SCAF4: variants seen among roughly 807,000 people sequenced by gnomAD.
SCAF4 encodes SR-related and CTD-associated factor 4.
Under a neutral mutation model 129.8 loss-of-function variants are expected in SCAF4, and 25 were observed. The observed-to-expected ratio is 0.19, with a 90% confidence interval of 0.14 to 0.27. The LOEUF (loss-of-function observed/expected upper bound fraction) is 0.27, where lower values mean the gene tolerates loss of function less well. Among genes scored for constraint, SCAF4 ranks in the 10% least tolerant of loss-of-function variants. The probability of loss-of-function intolerance (pLI) is 1.00; values close to 1 mark genes in which losing one functional copy is unlikely to be tolerated. For missense variants in SCAF4, 1,246 were observed against 1,457.1 expected (o/e 0.86, Z 2.36); for synonymous variants, 551 against 497.7 (o/e 1.11, Z -1.43).
At chr21:31,706,074 C>T (rs1456047444) in intron 2 of SCAF4, among the ~76,000 whole-genome samples, 200 bp downstream of exon 2, 1 of 152,160 alleles carries the variant, frequency 6.6e-6, no homozygotes, top group Non-Finnish European at 1.5e-5. Flanking sequence ...TATCCCCCTA[C>T]CCCCACCAAA....
intron 19 of SCAF4, among the ~76,000 whole-genome samples, chr21:31,674,586 T>A (rs1414925823): frequency 1.3e-5 from 2 of 152,298 alleles, no homozygotes; most frequent in East Asian, 3.9e-4. Context: ...AATGCTTTTA[T>A]AACCAGTTAT....
intron 7 of SCAF4, among the ~76,000 whole-genome samples, chr21:31,697,460 T>C (rs2050415114): frequency 6.6e-6 from 1 of 152,132 alleles, no homozygotes. Flanking sequence ...AACACTGCAA[T>C]GTAGATAGTT....
At chr21:31,690,716 G>T in intron 15 of SCAF4, 81 bp downstream of exon 15, 1 of 1,288,728 alleles carries the variant, frequency 7.8e-7, no homozygotes, top group Non-Finnish European at 1.1e-6. Context: ...ACGTCCTAAT[G>T]CAAGGAACAG....
Position 31,731,745 on chromosome 21 carries a change from G to C in SCAF4, c.-53C>G. 6.4e-7 allele frequency: 1 copy of C among 1,551,936 alleles called. No individual in the cohort carries two copies. Among genetic ancestry groups the C allele is most frequent in the East Asian group, 2.6e-5 (1 of 38,446 alleles). ...GGCCCGCCGGTCACATAGACCTCGC[G>C]CCGCGGCGGAGCGGGGCTGGGAAAC... On this transcript the variant is annotated 5_prime_UTR_variant, in exon 1 of 20. Coordinates refer to ENST00000286835, the MANE Select transcript of SCAF4 (RefSeq NM_020706.2).
chr21:31,729,621 C>T (rs1225828851), intron 1 of SCAF4, among the ~76,000 whole-genome samples: 3 of 152,098 alleles, frequency 2.0e-5, no homozygotes, highest in Admixed American at 2.0e-4. Context: ...AGAAGCACTA[C>T]AAATCAAGTA....
chr21:31,694,975 T>A lies in SCAF4; in HGVS notation c.1074A>T (p.Pro358=). Residue 358 remains proline (P), a synonymous_variant, in exon 10 of 20, where the codon CCA becomes CCT. Coordinates refer to ENST00000286835, the MANE Select transcript of SCAF4 (RefSeq NM_020706.2). The stretch of plus-strand genomic sequence containing the variant: ...CTGGCATTTGTCCATTAGGAGGAAG[T>A]GGAACCTTTCATTTTTAAAGAAAGT... ...IQQDPMHHQV[P]LPPNGQMPGF... The A allele has an allele frequency of 1.1e-5, 17 of 1,612,778 alleles. No individual in the cohort carries two copies. Among genetic ancestry groups the A allele is most frequent in the Non-Finnish European group, 1.4e-5 (17 of 1,179,324 alleles).
At chr21:31,686,022 G>A (rs1483652791) in intron 16 of SCAF4, among the ~76,000 whole-genome samples, 1 of 151,696 alleles carries the variant, frequency 6.6e-6, no homozygotes, top group Non-Finnish European at 1.5e-5. Flanking sequence ...GGTCAACATG[G>A]CGAAACCCTG....
rs540636016 is a variant in SCAF4 at position 31,671,298 on chromosome 21, G to C, written c.*101C>G. 42 of 1,326,956 alleles carry C rather than the reference G, an allele frequency of 3.2e-5. No homozygotes were observed. The South Asian group carries it at 6.9e-4, about 22-fold the overall frequency. The allele number at this position is 1,326,956 out of a possible 1,614,324, so 82.2% of individuals were successfully genotyped here. ...CTTACAGTTCCCCACCAGCTGGCGCGGGGCTGCAGTACAGCGGGAGCGGAT... is the reference window on the plus strand; with the variant it reads ...CTTACAGTTCCCCACCAGCTGGCGCCGGGCTGCAGTACAGCGGGAGCGGAT... On this transcript the variant is annotated 3_prime_UTR_variant, in exon 20 of 20. Coordinates refer to ENST00000286835, the MANE Select transcript of SCAF4 (RefSeq NM_020706.2).
intron 2 of SCAF4, 121 bp downstream of exon 2, chr21:31,706,153 C>CT (rs2050657363): frequency 4.4e-6 from 3 of 682,686 alleles, no homozygotes; most frequent in Non-Finnish European, 7.7e-6. Context: ...TCAGCAAAGG[C>CT]TGGTTAGGGC....
At position 31,671,651 on chromosome 21, in the gene SCAF4, T is replaced by C. The variant is rs2049698546; in HGVS notation, c.3192A>G (p.Arg1064=). 6.2e-7 allele frequency: 1 copy of C among 1,614,096 alleles called. No individual in the cohort carries two copies. The highest frequency in any genetic ancestry group is 1.1e-5 in the South Asian group (1 of 91,064). Residue 1064 remains arginine, a synonymous_variant, in exon 20 of 20, where the codon AGA becomes AGG. Transcript: ENST00000286835. Reference sequence around the variant, plus strand: ...CCTTCTCTCTACGAGACTCTCTATCTCTAGAATCTCTCTCTCTGTCTCGAT... The same window carrying C: ...CCTTCTCTCTACGAGACTCTCTATCCCTAGAATCTCTCTCTCTGTCTCGAT... ...SGHRDRERDS[R]DRESRREKEE...
chr21:31,684,959 G>A, intron 19 of SCAF4, 90 bp downstream of exon 19: 1 of 596,078 alleles, frequency 1.7e-6, no homozygotes, highest in Non-Finnish European at 2.8e-6. Flanking sequence ...AATTAACATT[G>A]TTTTTTTAAA....
chr21:31,706,417 C>T (rs775808329), intron 1 of SCAF4, 60 bp from the exon 2 acceptor site: 4 of 1,126,580 alleles, frequency 3.6e-6, no homozygotes, highest in Non-Finnish European at 5.2e-6. Flanking sequence ...TAAATAAGCA[C>T]CTTTCCTACA....
At chr21:31,689,461 C>T (rs895913121) in intron 15 of SCAF4, among the ~76,000 whole-genome samples, 10 of 139,904 alleles carry the variant, frequency 7.1e-5, no homozygotes, top group Non-Finnish European at 1.5e-4. Flanking sequence ...CCACATCCAG[C>T]TAATTTTTTT....
chr21:31,671,258 G>A lies in SCAF4; in HGVS notation c.*141C>T. The A allele has an allele frequency of 2.7e-6, 2 of 746,708 alleles. No individual in the cohort carries two copies. The highest frequency in any genetic ancestry group is 3.1e-5 in the South Asian group (1 of 32,422). 46.3% of individuals were successfully genotyped at this position (746,708 alleles called of 1,614,324 possible). On this transcript the variant is annotated 3_prime_UTR_variant, in exon 20 of 20. Coordinates refer to ENST00000286835, the MANE Select transcript of SCAF4 (RefSeq NM_020706.2). The stretch of plus-strand genomic sequence containing the variant: ...TTTGTGGCTATTTTTAAATAGAAGG[G>A]AAGCAATCAAATTGCTTACAGTTCC...
chr21:31,724,790 G>C (rs992380215), intron 1 of SCAF4, among the ~76,000 whole-genome samples: 17 of 152,204 alleles, frequency 1.1e-4, no homozygotes, highest in African/African-American at 4.1e-4. Flanking sequence ...CCTGAATTCT[G>C]TTTCACAAGG....
intron 1 of SCAF4, among the ~76,000 whole-genome samples, chr21:31,710,636 T>C (rs903138680): frequency 7.9e-5 from 12 of 152,112 alleles, no homozygotes; most frequent in African/African-American, 2.4e-4. Context: ...AGAAAAAACC[T>C]GCAAAAATGA....
At chr21:31,697,133 A>T (rs2050406871) in intron 7 of SCAF4, among the ~76,000 whole-genome samples, 1 of 152,322 alleles carries the variant, frequency 6.6e-6, no homozygotes. Context: ...CATAAAATGT[A>T]CAAAAAGACT....
chr21:31,688,276 T>C, intron 16 of SCAF4, 31 bp downstream of exon 16: 2 of 1,597,272 alleles, frequency 1.3e-6, no homozygotes, highest in Non-Finnish European at 1.7e-6. Flanking sequence ...TTCAGGCACT[T>C]AAAGTTTAAG....
chr21:31,721,995 C>T (rs1447150396), intron 1 of SCAF4, among the ~76,000 whole-genome samples: 1 of 152,132 alleles, frequency 6.6e-6, no homozygotes, highest in East Asian at 1.9e-4. Context: ...GCTGGGATTA[C>T]AGGCGTGAGC....
Sources: gnomAD v4.1 joint callset for allele counts (sites outside exome capture counted in the v4.1 genomes callset) on GRCh38, gnomAD v4.1.1 for gene constraint, MANE v1.5 for transcripts, NCBI Gene and HGNC (gene_info 2026-07-23, HGNC 2026-07-21) for gene names.